Variants in OR51B5 observed in about 807,000 individuals in gnomAD.
OR51B5 encodes the protein olfactory receptor 51B5.
For missense variants in OR51B5, 456 were observed against 374.6 expected (o/e 1.22, Z -1.79); for synonymous variants, 186 against 144.8 (o/e 1.28, Z -2.04).
chr11:5,436,852 C>T (rs1293633669), intron 1 of OR51B5, among the ~76,000 whole-genome samples: 2 of 151,872 alleles, frequency 1.3e-5, no homozygotes, highest in African/African-American at 4.8e-5. Flanking sequence ...TCTTGATCAC[C>T]TTGAGGGAGC....
At chr11:5,474,414 G>A (rs1361609646) in intron 1 of OR51B5, among the ~76,000 whole-genome samples, 4 of 152,024 alleles carry the variant, frequency 2.6e-5, no homozygotes, top group Admixed American at 6.6e-5. Context: ...TAATCAAGCA[G>A]GTCTATAGAG....
In OR51B5 at chr11:5,427,797, T is replaced by C. The variant is rs7941567; in HGVS notation, n.84+77772A>G. 6.9e-3 allele frequency among the ~76,000 whole-genome samples: 1,054 copies of C among 152,316 alleles called. 9 individuals carry two copies. Among genetic ancestry groups the C allele is most frequent in the African/African-American group, 0.024 (983 of 41,568 alleles). On this transcript the variant is annotated intron_variant and non_coding_transcript_variant, in intron 1 of 4. Coordinates refer to the OR51B5 transcript ENST00000415970. The stretch of plus-strand genomic sequence containing the variant: ...ACCATTATATTTCATACGGGAATGA[T>C]ATTAGAAAATAAAAACAACTTCAAC...
At chr11:5,364,864 T>C (rs1381938984) in intron 1 of OR51B5, among the ~76,000 whole-genome samples, 1 of 152,222 alleles carries the variant, frequency 6.6e-6, no homozygotes, top group Non-Finnish European at 1.5e-5. Context: ...TTGGTGAATT[T>C]CCATTTAATA....
chr11:5,349,829 G>T (rs934303679), intron 1 of OR51B5, among the ~76,000 whole-genome samples: 2 of 152,132 alleles, frequency 1.3e-5, no homozygotes, highest in South Asian at 2.1e-4. Context: ...CAGGCTCAAC[G>T]TTACTTTTAG....
chr11:5,403,100 G>T (rs773135109), intron 1 of OR51B5: 1 of 471,572 alleles, frequency 2.1e-6, no homozygotes, highest in South Asian at 1.5e-5. Context: ...CTCTTATGGC[G>T]TCTGCCCTTC....
intron 1 of OR51B5, among the ~76,000 whole-genome samples, chr11:5,457,462 G>T (rs893169998): frequency 6.6e-6 from 1 of 152,176 alleles, no homozygotes; most frequent in African/African-American, 2.4e-5. Flanking sequence ...CTTTTTGGTA[G>T]AATGATTTAT....
At chr11:5,380,655 C>T (rs996122386) in intron 1 of OR51B5, among the ~76,000 whole-genome samples, 4 of 152,116 alleles carry the variant, frequency 2.6e-5, no homozygotes, top group Non-Finnish European at 4.4e-5. Context: ...TGTGAGATTA[C>T]CATCTGTAAA....
chr11:5,369,488 T>C (rs935916131), intron 1 of OR51B5, among the ~76,000 whole-genome samples: 1 of 152,152 alleles, frequency 6.6e-6, no homozygotes, highest in African/African-American at 2.4e-5. Context: ...ATCTGATAAT[T>C]TGAGACATTT....
At chr11:5,489,550 A>C in intron 1 of OR51B5, 1 of 1,613,992 alleles carries the variant, frequency 6.2e-7, no homozygotes, top group South Asian at 1.1e-5. Flanking sequence ...CTTTCTGGCT[A>C]ATCTCTATGT....
chr11:5,498,580 C>T (rs1372389633), intron 1 of OR51B5, among the ~76,000 whole-genome samples: 2 of 152,110 alleles, frequency 1.3e-5, no homozygotes, highest in South Asian at 2.1e-4. Flanking sequence ...TAAGTCAAAA[C>T]GATATTAGTT....
chr11:5,466,495 T>C (rs1359258100), intron 1 of OR51B5, among the ~76,000 whole-genome samples: 4 of 152,168 alleles, frequency 2.6e-5, no homozygotes, highest in Non-Finnish European at 5.9e-5. Context: ...ATGCAGACAC[T>C]GAAATGTTAG....
intron 1 of OR51B5, among the ~76,000 whole-genome samples, chr11:5,395,458 G>A (rs1532515): frequency 0.12 from 18,652 of 152,176 alleles, 1,216 homozygotes; most frequent in African/African-American, 0.16. Flanking sequence ...CTTCCAGGAA[G>A]ATGGCCAATC....
intron 1 of OR51B5, among the ~76,000 whole-genome samples, chr11:5,426,982 C>T (rs927725014): frequency 6.7e-6 from 1 of 148,748 alleles, no homozygotes; most frequent in Admixed American, 6.8e-5. Flanking sequence ...ATTATCTGCA[C>T]GATGAGACAA....
At chr11:5,417,353 G>T (rs917388469) in intron 1 of OR51B5, among the ~76,000 whole-genome samples, 2 of 151,916 alleles carry the variant, frequency 1.3e-5, no homozygotes, top group African/African-American at 4.8e-5. Flanking sequence ...TTACCATTCA[G>T]GACATAGGCA....
chr11:5,478,269 A>C (rs891655356), intron 1 of OR51B5, among the ~76,000 whole-genome samples: 4 of 152,164 alleles, frequency 2.6e-5, no homozygotes, highest in East Asian at 1.9e-4. Flanking sequence ...CTCACACGGC[A>C]GGGTATTCCA....
chr11:5,452,643 G>A (rs952730652), intron 1 of OR51B5, among the ~76,000 whole-genome samples: 9 of 149,618 alleles, frequency 6.0e-5, no homozygotes, highest in African/African-American at 2.0e-4. Context: ...CTTAGACTAT[G>A]AATGAGCTTT....
At chr11:5,390,175 T>C in intron 1 of OR51B5, 3 of 1,613,966 alleles carry the variant, frequency 1.9e-6, no homozygotes, top group Non-Finnish European at 1.7e-6. Flanking sequence ...CTCTCTGTGC[T>C]GTGCTAGTAT....
intron 1 of OR51B5, among the ~76,000 whole-genome samples, chr11:5,470,038 A>G (rs953552007): frequency 1.3e-5 from 2 of 152,220 alleles, no homozygotes; most frequent in African/African-American, 4.8e-5. Flanking sequence ...TTGCCTTTCT[A>G]TATTTTAACA....
At chr11:5,421,711 G>T (rs1388292389) in intron 1 of OR51B5, among the ~76,000 whole-genome samples, 2 of 152,124 alleles carry the variant, frequency 1.3e-5, no homozygotes, top group African/African-American at 4.8e-5. Context: ...GTAGCAATAG[G>T]TTTAGAACTA....
Sources: allele counts gnomAD v4.1 joint callset (sites outside exome capture counted in the v4.1 genomes callset), GRCh38; gene constraint gnomAD v4.1.1; transcripts MANE v1.5; gene names NCBI Gene and HGNC (gene_info 2026-07-23, HGNC 2026-07-21).